Variants in CCDC171 observed in about 807,000 individuals in gnomAD.
CCDC171 encodes coiled-coil domain containing 171.
In CCDC171, 177 loss-of-function variants were observed where a neutral mutation model predicts 168.2. The observed-to-expected ratio is 1.05, with a 90% confidence interval of 0.93 to 1.19. The LOEUF is 1.19. Among genes scored for constraint, CCDC171 ranks in the 50% most tolerant of loss-of-function variants. CCDC171 has a pLI of 0.00. For missense variants in CCDC171, 1,991 were observed against 1,539.0 expected (o/e 1.29, Z -4.91); for synonymous variants, 687 against 540.8 (o/e 1.27, Z -3.75).
At chr9:15,949,605 C>G (rs200061824) in intron 25 of CCDC171, among the ~76,000 whole-genome samples, 2 of 141,642 alleles carry the variant, frequency 1.4e-5, no homozygotes, top group South Asian at 2.3e-4. Flanking sequence ...GGATGTCTGT[C>G]TGTCTGTTAT....
intron 8 of CCDC171, among the ~76,000 whole-genome samples, chr9:15,664,191 A>G (rs1394206995): frequency 5.9e-5 from 9 of 152,148 alleles, no homozygotes; most frequent in Admixed American, 5.9e-4. Context: ...GGTTACACTA[A>G]AAATCCAGAC....
intron 7 of CCDC171, among the ~76,000 whole-genome samples, chr9:15,649,399 G>A (rs1385727094): frequency 6.6e-6 from 1 of 152,102 alleles, no homozygotes; most frequent in Non-Finnish European, 1.5e-5. Flanking sequence ...TTGACAAATG[G>A]GATCTAATTA....
the CCDC171 span, among the ~76,000 whole-genome samples, chr9:16,069,273 G>A: frequency 6.6e-6 from 1 of 152,276 alleles, no homozygotes; most frequent in African/African-American, 2.4e-5. Flanking sequence ...AGATATGTGT[G>A]TGTGTTACCA....
chr9:15,647,149 C>G (rs895436521), intron 7 of CCDC171, among the ~76,000 whole-genome samples: 5 of 152,148 alleles, frequency 3.3e-5, no homozygotes, highest in African/African-American at 1.2e-4. Context: ...TCCTGAATGA[C>G]TGCTGGGTAC....
At chr9:16,073,542 G>C in the CCDC171 span, among the ~76,000 whole-genome samples, 1 of 151,810 alleles carries the variant, frequency 6.6e-6, no homozygotes, top group Non-Finnish European at 1.5e-5. Flanking sequence ...ATTTCTTTTG[G>C]TCTCTTCCAT....
At chr9:15,794,412 C>T (rs2058442368) in intron 21 of CCDC171, among the ~76,000 whole-genome samples, 1 of 152,088 alleles carries the variant, frequency 6.6e-6, no homozygotes, top group African/African-American at 2.4e-5. Context: ...TTGTAGTGAG[C>T]CTAGATGGTG....
At chr9:16,067,355 G>A in the CCDC171 span, among the ~76,000 whole-genome samples, 79 of 152,188 alleles carry the variant, frequency 5.2e-4, no homozygotes, top group Non-Finnish European at 9.4e-4. Flanking sequence ...GTAGATTCTG[G>A]ATATTAGCCC....
chr9:15,626,216 C>A (rs911647463), intron 7 of CCDC171, among the ~76,000 whole-genome samples: 1 of 152,172 alleles, frequency 6.6e-6, no homozygotes, highest in Non-Finnish European at 1.5e-5. Context: ...AGATTTTGGG[C>A]TGAGACGATG....
intron 25 of CCDC171, among the ~76,000 whole-genome samples, chr9:15,959,900 C>T (rs1027009236): frequency 2.0e-5 from 3 of 152,162 alleles, no homozygotes; most frequent in African/African-American, 7.2e-5. Flanking sequence ...AGAGTTGTCA[C>T]AGTTTTCAGA....
intron 25 of CCDC171, among the ~76,000 whole-genome samples, chr9:15,942,859 C>T (rs752786513): frequency 6.6e-6 from 1 of 151,626 alleles, no homozygotes; most frequent in Non-Finnish European, 1.5e-5. Flanking sequence ...ACCAAATGCT[C>T]CTACAATATT....
chr9:15,582,445 A>G (rs1194152388), intron 4 of CCDC171, among the ~76,000 whole-genome samples: 14 of 152,212 alleles, frequency 9.2e-5, no homozygotes, highest in African/African-American at 3.1e-4. Flanking sequence ...TACCCAAAGG[A>G]TTATAAATCA....
intron 6 of CCDC171, among the ~76,000 whole-genome samples, chr9:16,023,157 G>C (rs373148993): frequency 1.3e-5 from 2 of 151,744 alleles, no homozygotes; most frequent in African/African-American, 2.4e-5. Flanking sequence ...GCAGTGGCGC[G>C]ATCGGGTTCA....
chr9:15,930,251 T>C (rs904107295), intron 25 of CCDC171, among the ~76,000 whole-genome samples: 4 of 151,758 alleles, frequency 2.6e-5, no homozygotes, highest in Non-Finnish European at 4.4e-5. Flanking sequence ...CCACACCAAA[T>C]TTTCTTTAAT....
chr9:15,677,331 A>G (rs184577994), intron 9 of CCDC171, among the ~76,000 whole-genome samples: 12 of 152,156 alleles, frequency 7.9e-5, no homozygotes, highest in African/African-American at 2.9e-4. Context: ...GCCTTGGAAT[A>G]TTCCTAATCT....
intron 21 of CCDC171, among the ~76,000 whole-genome samples, chr9:15,843,808 TC>T (rs2060787358): frequency 6.6e-6 from 1 of 152,114 alleles, no homozygotes; most frequent in Non-Finnish European, 1.5e-5. Context: ...TGCTTTGCAA[TC>T]ACTATGGCTG....
chr9:15,600,791 G>A (rs1007295749), intron 6 of CCDC171, among the ~76,000 whole-genome samples: 4 of 152,134 alleles, frequency 2.6e-5, no homozygotes, highest in Admixed American at 2.0e-4. Flanking sequence ...CACCCATTTC[G>A]AGCTTCCCGG....
downstream of CCDC171, among the ~76,000 whole-genome samples, chr9:15,977,777 G>C (rs1279701113): frequency 6.6e-6 from 1 of 152,284 alleles, no homozygotes; most frequent in East Asian, 1.9e-4. Context: ...CAGGTTAAGA[G>C]CTATCAGATA....
chr9:15,556,957 A>G (rs2038855755), intron 1 of CCDC171, among the ~76,000 whole-genome samples: 1 of 152,140 alleles, frequency 6.6e-6, no homozygotes, highest in African/African-American at 2.4e-5. Context: ...CTTTCTGCAT[A>G]TGGCTAGCCA....
intron 21 of CCDC171, among the ~76,000 whole-genome samples, chr9:15,839,167 A>G (rs952093758): frequency 3.3e-5 from 5 of 152,160 alleles, no homozygotes; most frequent in East Asian, 1.9e-4. Context: ...CACACAAGGG[A>G]TCTTGAGTTG....
Sources: gnomAD v4.1 joint callset for allele counts (sites outside exome capture counted in the v4.1 genomes callset) on GRCh38, gnomAD v4.1.1 for gene constraint, MANE v1.5 for transcripts, NCBI Gene and HGNC (gene_info 2026-07-23, HGNC 2026-07-21) for gene names.